The following RCBTB1 variants were observed in gnomAD, a reference collection of about 807,000 sequenced individuals.
RCBTB1 encodes RCC1 and BTB domain-containing protein 1.
A neutral mutation model predicts 62.4 loss-of-function variants in RCBTB1; 46 were observed. The observed-to-expected ratio is 0.74, with a 90% confidence interval of 0.58 to 0.94. The LOEUF (loss-of-function observed/expected upper bound fraction) is 0.94, where lower values mean the gene tolerates loss of function less well. Among genes scored for constraint, RCBTB1 ranks in the 40% least tolerant of loss-of-function variants. The pLI is 0.00. For synonymous variants in RCBTB1, 222 were observed against 245.8 expected (o/e 0.90, Z 0.91); for missense variants, 565 against 654.9 (o/e 0.86, Z 1.50).
Position 49,532,475 on chromosome 13 carries a change from A to G in RCBTB1, c.*1647T>C, listed in dbSNP as rs1348196220. On this transcript the variant is annotated 3_prime_UTR_variant, in exon 13 of 13. Coordinates refer to ENST00000378302, the MANE Select transcript of RCBTB1 (RefSeq NM_018191.4). Reference sequence around the variant, plus strand: ...ACAGTGATTGTTACAAACACCACCCATCATAGCACAAATCAATGTGCATTT... The same window carrying G: ...ACAGTGATTGTTACAAACACCACCCGTCATAGCACAAATCAATGTGCATTT... 1.3e-5 allele frequency: 2 copies of G among 152,618 alleles called. No individual in the cohort carries two copies. The highest frequency in any genetic ancestry group is 2.9e-5 in the Non-Finnish European group (2 of 68,048). The allele number at this position is 152,618 out of a possible 1,614,324, so 9.5% of individuals were successfully genotyped here. A position where few individuals can be genotyped will look rare whatever the true frequency, so the allele number is the denominator to read the frequency against.
intron 5 of RCBTB1, among the ~76,000 whole-genome samples, chr13:49,556,947 C>T (rs941331662): frequency 6.6e-6 from 1 of 152,112 alleles, no homozygotes; most frequent in African/African-American, 2.4e-5. Flanking sequence ...CATCACATTC[C>T]CTTGCAGTGC....
At chr13:49,564,583 CAAAAAAAAAAA>C (rs10710755) in intron 4 of RCBTB1, among the ~76,000 whole-genome samples, 6 of 39,318 alleles carry the variant, frequency 1.5e-4, no homozygotes, top group Middle Eastern at 0.091. Context: ...GACTCCTTCT[CAAAAAAAAAAA>C]AAAAAAAAAA....
intron 2 of RCBTB1, among the ~76,000 whole-genome samples, chr13:49,570,279 A>G (rs1963310757): frequency 6.6e-6 from 1 of 152,254 alleles, no homozygotes; most frequent in Non-Finnish European, 1.5e-5. Flanking sequence ...ATCTACTGCA[A>G]GATCAAGCTA....
At chr13:49,582,279 G>C (rs977639430) in intron 1 of RCBTB1, among the ~76,000 whole-genome samples, 2 of 152,142 alleles carry the variant, frequency 1.3e-5, no homozygotes, top group Non-Finnish European at 2.9e-5. Context: ...CTGATGTCAG[G>C]AGTTCGAGAC....
rs566559141 is a variant in RCBTB1 at position 49,550,653 on chromosome 13, T to C, written c.854+673A>G. Among the ~76,000 whole-genome samples, 13 of 152,308 alleles carry C rather than the reference T, an allele frequency of 8.5e-5. No individual in the cohort carries two copies. The South Asian group carries it at 1.9e-3, about 22-fold the overall frequency. On this transcript the variant is annotated intron_variant, in intron 8 of 12. Transcript: ENST00000378302. ...TACACCATAAACATCAACATGGCCA[T>C]AGACCTTACTTGTCTTCCATACTAA...
chr13:49,557,623 A>G (rs1962039374), intron 5 of RCBTB1, among the ~76,000 whole-genome samples: 1 of 152,158 alleles, frequency 6.6e-6, no homozygotes, highest in Non-Finnish European at 1.5e-5. Context: ...CAGCTGCCTT[A>G]AAAAATGAAC....
At chr13:49,555,742 C>A in intron 5 of RCBTB1, 69 bp from the exon 6 acceptor site, 1 of 1,180,168 alleles carries the variant, frequency 8.5e-7, no homozygotes, top group South Asian at 1.5e-5. Flanking sequence ...CACAAATAAT[C>A]ATAAAAATTA....
intron 5 of RCBTB1, among the ~76,000 whole-genome samples, chr13:49,557,930 A>AC (rs1382564143): frequency 1.3e-5 from 2 of 152,256 alleles, no homozygotes; most frequent in African/African-American, 4.8e-5. Context: ...CATTAAAATC[A>AC]GAGGATTTTC....
At position 49,565,431 on chromosome 13, in the gene RCBTB1, C is replaced by T. The variant is rs569363980; in HGVS notation, c.277+1187G>A. On this transcript the variant is annotated intron_variant, in intron 4 of 12. Coordinates refer to ENST00000378302, the MANE Select transcript of RCBTB1 (RefSeq NM_018191.4). ...GCCGAGATTGCAGCCTCTGCCCGGC[C>T]GCCACCCCGTCTGGGAAGTGAGGAG... 7.2e-5 allele frequency among the ~76,000 whole-genome samples: 11 copies of T among 152,090 alleles called. No homozygotes were observed. The East Asian group carries it at 1.9e-3, about 27-fold the overall frequency.
intron 1 of RCBTB1, among the ~76,000 whole-genome samples, chr13:49,585,156 A>C (rs1271131324): frequency 1.3e-5 from 2 of 152,180 alleles, no homozygotes; most frequent in Non-Finnish European, 2.9e-5. Flanking sequence ...GAGTCCGTGC[A>C]CCTCAAAAAA....
chr13:49,568,294 C>T (rs539483219), intron 2 of RCBTB1, among the ~76,000 whole-genome samples: 147 of 152,288 alleles, frequency 9.7e-4, no homozygotes, highest in Non-Finnish European at 1.7e-3. Flanking sequence ...TTATTTTCTA[C>T]TGAGAGACAT....
chr13:49,577,770 A>G (rs1444535047), intron 2 of RCBTB1, among the ~76,000 whole-genome samples: 3 of 152,236 alleles, frequency 2.0e-5, no homozygotes, highest in African/African-American at 7.2e-5. Context: ...TGTTGGAACA[A>G]TCATTTTAAG....
intron 9 of RCBTB1, chr13:49,547,175 CAAA>C: frequency 6.4e-6 from 7 of 1,087,228 alleles, no homozygotes; most frequent in Admixed American, 2.7e-5. Context: ...ATACTCACTG[CAAA>C]AAAAAAAAAA....
intron 9 of RCBTB1, among the ~76,000 whole-genome samples, chr13:49,547,506 A>G (rs887983031): frequency 5.3e-5 from 8 of 152,246 alleles, no homozygotes; most frequent in Non-Finnish European, 1.2e-4. Context: ...GCTAGCAAAA[A>G]GGCAAACATA....
At chr13:49,542,392 A>G (rs575015481) in intron 10 of RCBTB1, among the ~76,000 whole-genome samples, 40 of 152,262 alleles carry the variant, frequency 2.6e-4, no homozygotes, top group African/African-American at 9.4e-4. Flanking sequence ...GTATACATAG[A>G]GCCTGGAAGT....
intron 12 of RCBTB1, among the ~76,000 whole-genome samples, chr13:49,535,755 T>C (rs1959888536): frequency 6.6e-6 from 1 of 152,152 alleles, no homozygotes; most frequent in South Asian, 2.1e-4. Context: ...CCAGGCGTGG[T>C]GGCTCACGCC....
intron 12 of RCBTB1, among the ~76,000 whole-genome samples, chr13:49,538,947 A>G (rs1479731877): frequency 1.3e-5 from 2 of 148,500 alleles, no homozygotes; most frequent in African/African-American, 2.5e-5. Flanking sequence ...GTGCAGTGGT[A>G]CAACTTCTCC....
chr13:49,575,310 T>C (rs1963700850), intron 2 of RCBTB1, among the ~76,000 whole-genome samples: 3 of 152,110 alleles, frequency 2.0e-5, no homozygotes, highest in Admixed American at 2.0e-4. Context: ...AGTGGGAATG[T>C]AAATTAGTTC....
chr13:49,566,257 TA>T (rs1962995593), intron 4 of RCBTB1, among the ~76,000 whole-genome samples: 2 of 130,944 alleles, frequency 1.5e-5, no homozygotes, highest in Non-Finnish European at 3.1e-5. Flanking sequence ...GAATGATCAA[TA>T]AAAAAATAAA....
Sources: gnomAD v4.1 joint callset for allele counts (sites outside exome capture counted in the v4.1 genomes callset) on GRCh38, gnomAD v4.1.1 for gene constraint, MANE v1.5 for transcripts, NCBI Gene and HGNC (gene_info 2026-07-23, HGNC 2026-07-21) for gene names.